Variants in KALRN observed in about 807,000 individuals in gnomAD.
KALRN encodes the protein kalirin RhoGEF kinase, also known as kalirin.
KALRN carries 70 observed loss-of-function variants against 353.7 expected under a neutral mutation model. That is an observed-to-expected ratio of 0.20 (90% confidence interval 0.16 to 0.24). The LOEUF (loss-of-function observed/expected upper bound fraction) is 0.24. Among genes scored for constraint, KALRN ranks in the 10% least tolerant of loss-of-function variants. The pLI is 1.00. For missense variants in KALRN, 2,791 were observed against 3,756.7 expected (o/e 0.74, Z 6.72); for synonymous variants, 1,391 against 1,434.8 (o/e 0.97, Z 0.69).
Position 124,602,376 on chromosome 3 carries a change from G to A in KALRN, c.5183-30044G>A, listed in dbSNP as rs73860562. 7.3e-3 allele frequency among the ~76,000 whole-genome samples: 1,106 copies of A among 152,296 alleles called. 19 individuals carry two copies. The highest frequency in any genetic ancestry group is 0.031 in the Middle Eastern group (9 of 294). Reference sequence around the variant, plus strand: ...TACCCTGGGAGTGGAGACTCAGCAAGGACAGGGTTTCAACTCACAAAGCTG... The same window carrying A: ...TACCCTGGGAGTGGAGACTCAGCAAAGACAGGGTTTCAACTCACAAAGCTG... On this transcript the variant is annotated intron_variant, in intron 34 of 59. Coordinates refer to ENST00000682506, the MANE Select transcript of KALRN (RefSeq NM_001388419.1).
At chr3:124,155,322 C>T (rs1466179251) in intron 1 of KALRN, among the ~76,000 whole-genome samples, 1 of 152,132 alleles carries the variant, frequency 6.6e-6, no homozygotes, top group African/African-American at 2.4e-5. Context: ...GACTTGAAGA[C>T]ATTTATTGAA....
chr3:124,367,466 C>T (rs1192580077), intron 10 of KALRN, among the ~76,000 whole-genome samples: 1 of 91,876 alleles, frequency 1.1e-5, no homozygotes, highest in South Asian at 4.3e-4. Context: ...GGGGGGCTGA[C>T]CCCCCCACCT....
chr3:124,260,303 C>T (rs1347506948), intron 3 of KALRN, among the ~76,000 whole-genome samples: 1 of 152,236 alleles, frequency 6.6e-6, no homozygotes, highest in East Asian at 1.9e-4. Context: ...ATTTGTTGGA[C>T]TCCTTTGAGC....
chr3:124,376,817 C>T (rs1576423070), intron 10 of KALRN, among the ~76,000 whole-genome samples: 3 of 151,836 alleles, frequency 2.0e-5, no homozygotes, highest in South Asian at 2.1e-4. Context: ...CTAGGTACAT[C>T]GAGGAATAGT....
At chr3:124,280,880 T>C (rs1383842842) in intron 5 of KALRN, among the ~76,000 whole-genome samples, 2 of 152,172 alleles carry the variant, frequency 1.3e-5, no homozygotes, top group South Asian at 4.1e-4. Context: ...GGGTATCTAC[T>C]GTTCAACCCC....
intron 21 of KALRN, 168 bp from the exon 22 acceptor site, chr3:124,455,009 C>T: frequency 4.7e-6 from 3 of 637,412 alleles, no homozygotes; most frequent in Non-Finnish European, 8.1e-6. Context: ...CAGAGGGTTT[C>T]AATAACTTGC....
Position 124,722,736 on chromosome 3 carries a change from G to C in KALRN, c.*3266G>C, listed in dbSNP as rs1011724149. On this transcript the variant is annotated 3_prime_UTR_variant, in exon 60 of 60. Transcript: ENST00000682506. ...TGGTAGTAAAGAAGAGAGGAGAGAA[G>C]AGAAAATGGTCCATTTCTATCATTA... is the stretch of plus-strand genomic sequence containing the variant. 2.6e-5 allele frequency: 4 copies of C among 152,180 alleles called. No individual in the cohort carries two copies. Among genetic ancestry groups the C allele is most frequent in the Admixed American group, 2.0e-4 (3 of 15,288 alleles). 9.4% of individuals were successfully genotyped at this position (152,180 alleles called of 1,614,324 possible). A position where few individuals can be genotyped will look rare whatever the true frequency, so the allele number is the denominator to read the frequency against.
In KALRN at chr3:124,719,462, G is replaced by C; in HGVS notation, c.8953G>C (p.Gly2985Arg). 1.2e-6 allele frequency: 2 copies of C among 1,612,170 alleles called. No individual in the cohort carries two copies. The highest frequency in any genetic ancestry group is 1.7e-6 in the Non-Finnish European group (2 of 1,178,720). Residue 2985 changes from glycine to arginine, a missense_variant, in exon 60 of 60, where the codon GGG becomes CGG. Around this residue, in one of 11 missense-constraint regions of KALRN, gnomAD observed 32 missense variants for 27.4 expected, o/e 1.17. Transcript: ENST00000682506. This position sits in a 1 kb window ranked among gnomAD's most constrained non-coding sequence, Gnocchi z 5.3. ...CTACATTGTCAACCGGGTGAACCAA[G>C]GGACGTAGCCATCTCCCAGCCCCTA... ...KSYIVNRVNQ[G>R]T
At chr3:124,197,124 C>A (rs2075520151) in intron 1 of KALRN, among the ~76,000 whole-genome samples, 2 of 152,090 alleles carry the variant, frequency 1.3e-5, no homozygotes, top group Non-Finnish European at 2.9e-5. Flanking sequence ...AGATTGCAAA[C>A]CCTGTCGTTT....
intron 1 of KALRN, among the ~76,000 whole-genome samples, chr3:124,054,099 G>A (rs994545598): frequency 6.6e-6 from 1 of 152,186 alleles, no homozygotes; most frequent in Non-Finnish European, 1.5e-5. Flanking sequence ...AATATGCTTT[G>A]TGACTGTTTC....
chr3:124,438,773 G>T, intron 17 of KALRN, 115 bp from the exon 18 acceptor site: 1 of 827,102 alleles, frequency 1.2e-6, no homozygotes. Flanking sequence ...TGTCTCAGAG[G>T]CATTAAACTT....
intron 5 of KALRN, among the ~76,000 whole-genome samples, chr3:124,288,887 AGTAGTTTT>A (rs2076181939): frequency 6.6e-6 from 1 of 152,224 alleles, no homozygotes; most frequent in Non-Finnish European, 1.5e-5. Flanking sequence ...AGGAAAAATT[AGTAGTTTT>A]GAGATGCTTG....
At chr3:124,497,799 T>C (rs2064030913) in intron 33 of KALRN, among the ~76,000 whole-genome samples, 1 of 152,214 alleles carries the variant, frequency 6.6e-6, no homozygotes, top group Non-Finnish European at 1.5e-5. Context: ...GTGTTTCCCA[T>C]GTTGAGACAT....
At chr3:124,378,866 A>T (rs780455746) in intron 10 of KALRN, among the ~76,000 whole-genome samples, 3 of 148,670 alleles carry the variant, frequency 2.0e-5, no homozygotes, top group Non-Finnish European at 3.0e-5. Context: ...CTTTTTTGCC[A>T]CTTTATTTTA....
chr3:124,486,999 A>G (rs1225748090), intron 28 of KALRN, among the ~76,000 whole-genome samples: 1 of 152,184 alleles, frequency 6.6e-6, no homozygotes, highest in Non-Finnish European at 1.5e-5. Flanking sequence ...AAGTACCATT[A>G]GGTTATTTGT....
At chr3:124,245,016 T>C (rs1056229972) in intron 3 of KALRN, among the ~76,000 whole-genome samples, 3 of 142,214 alleles carry the variant, frequency 2.1e-5, no homozygotes, top group African/African-American at 8.0e-5. Flanking sequence ...TCTTCTCTTA[T>C]AGCTATTTTG....
chr3:124,105,870 G>A (rs1003744917), intron 1 of KALRN, among the ~76,000 whole-genome samples: 4 of 152,170 alleles, frequency 2.6e-5, no homozygotes, highest in East Asian at 1.9e-4. Flanking sequence ...GTTTGAGGCT[G>A]GGGTAAGGGA....
intron 1 of KALRN, among the ~76,000 whole-genome samples, chr3:124,206,450 C>G (rs948618832): frequency 6.6e-6 from 1 of 152,208 alleles, no homozygotes; most frequent in Admixed American, 6.5e-5. Flanking sequence ...GGAAATGTAA[C>G]AGTCGTGTGC....
chr3:124,131,981 C>T (rs1411010667), intron 1 of KALRN, among the ~76,000 whole-genome samples: 2 of 152,202 alleles, frequency 1.3e-5, no homozygotes, highest in Non-Finnish European at 2.9e-5. Flanking sequence ...AGCCAGTTCT[C>T]ACTTTTTTTC....
Sources: gnomAD v4.1 joint callset for allele counts (sites outside exome capture counted in the v4.1 genomes callset) on GRCh38, gnomAD v4.1.1 for gene constraint, gnomAD v4.1.1 regional missense constraint, Gnocchi (gnomAD v3.1) non-coding constraint, MANE v1.5 for transcripts, NCBI Gene and HGNC (gene_info 2026-07-23, HGNC 2026-07-21) for gene names.